FOXP2: variants seen among roughly 807,000 people sequenced by gnomAD.
FOXP2 encodes forkhead box protein P2.
Under a neutral mutation model 115.8 loss-of-function variants are expected in FOXP2, and 12 were observed. The ratio of observed to expected loss-of-function variants is 0.10; its 90% confidence interval spans 0.07 to 0.17. The LOEUF (loss-of-function observed/expected upper bound fraction) is 0.17. FOXP2 is among the 10% of genes least tolerant of loss of function. FOXP2 has a pLI of 1.00. For synonymous variants in FOXP2, 328 were observed against 297.7 expected, an observed-to-expected ratio of 1.10 and a Z score of -1.05; for missense variants, 629 against 843.5, an observed-to-expected ratio of 0.75 and a Z score of 3.15.
intron 1 of FOXP2, among the ~76,000 whole-genome samples, chr7:114,198,673 G>A (rs56945052): frequency 6.6e-6 from 1 of 152,168 alleles, no homozygotes; most frequent in African/African-American, 2.4e-5. Flanking sequence ...AACAGGTCAC[G>A]AACCAGTACC....
chr7:114,554,054 C>A (rs1328650638), intron 3 of FOXP2, among the ~76,000 whole-genome samples: 1 of 151,978 alleles, frequency 6.6e-6, no homozygotes, highest in Non-Finnish European at 1.5e-5. Flanking sequence ...ATGTCAATAA[C>A]AGAGGATACC....
At chr7:114,511,205 G>C (rs1174931034) in intron 2 of FOXP2, among the ~76,000 whole-genome samples, 1 of 152,054 alleles carries the variant, frequency 6.6e-6, no homozygotes, top group East Asian at 1.9e-4. Context: ...GGGCCTGTCA[G>C]GGGGTGGGGG....
At chr7:114,659,514 A>G (rs1192854137) in intron 12 of FOXP2, 58 bp from the exon 13 acceptor site, 4 of 1,581,438 alleles carry the variant, frequency 2.5e-6, no homozygotes, top group Non-Finnish European at 3.5e-6. Flanking sequence ...AGAAAGTGTC[A>G]TCTAGTCTAG....
At chr7:114,504,694 A>G (rs1378030724) in intron 2 of FOXP2, among the ~76,000 whole-genome samples, 1 of 151,722 alleles carries the variant, frequency 6.6e-6, no homozygotes, top group African/African-American at 2.4e-5. Flanking sequence ...CATCTGGATG[A>G]AAACTAAGCA....
chr7:114,482,238 C>G (rs948493640), intron 2 of FOXP2, among the ~76,000 whole-genome samples: 1 of 151,320 alleles, frequency 6.6e-6, no homozygotes, highest in South Asian at 2.1e-4. Flanking sequence ...GGCAGTTAGC[C>G]CAGAAGTCCT....
At chr7:114,451,751 T>C (rs1186685395) in intron 2 of FOXP2, among the ~76,000 whole-genome samples, 1 of 151,996 alleles carries the variant, frequency 6.6e-6, no homozygotes, top group Non-Finnish European at 1.5e-5. Context: ...TTGTAATAAG[T>C]GCTCTACAGA....
At chr7:114,683,074 A>T (rs938326568) in intron 16 of FOXP2, among the ~76,000 whole-genome samples, 1 of 152,164 alleles carries the variant, frequency 6.6e-6, no homozygotes, top group African/African-American at 2.4e-5. Context: ...CATTGTAGCC[A>T]TTGGGGAAAA....
intron 1 of FOXP2, among the ~76,000 whole-genome samples, chr7:114,207,213 G>A (rs1417323925): frequency 6.6e-6 from 1 of 152,158 alleles, no homozygotes. Flanking sequence ...TTCGGTAGTT[G>A]ATGGACATTT....
intron 3 of FOXP2, among the ~76,000 whole-genome samples, chr7:114,627,331 C>T (rs566730570): frequency 1.3e-5 from 2 of 152,002 alleles, no homozygotes; most frequent in South Asian, 4.1e-4. Context: ...TGTTCTAAAA[C>T]AGTATTTATA....
intron 1 of FOXP2, among the ~76,000 whole-genome samples, chr7:114,133,221 A>G (rs1791940140): frequency 6.6e-6 from 1 of 152,176 alleles, no homozygotes; most frequent in Admixed American, 6.5e-5. Flanking sequence ...TGAACTGAAA[A>G]CTGGCAGGAT....
In FOXP2 at chr7:114,181,455, C is replaced by T. The variant is rs537444343; in HGVS notation, c.-102+18367C>T. 2.8e-3 allele frequency among the ~76,000 whole-genome samples: 430 copies of T among 152,002 alleles called. 1 individual carries two copies. The highest frequency in any genetic ancestry group is 6.4e-3 in the Admixed American group (98 of 15,226). On this transcript the variant is annotated intron_variant, in intron 1 of 17. Transcript: ENST00000634411. ...TGTTTTCTTTGTTTGGAAAGTACCC[C>T]TTCCTTATATGGTAAATGAACCTCT...
Position 114,675,996 on chromosome 7 carries a change from G to A in FOXP2, c.2003+11560G>A, listed in dbSNP as rs1054707022. ...GCAGTCTCAGCTCACTGCAAGCTCCGCCTCCCCAGTTCAGGCGATTCTCTT... is the reference window on the plus strand; with the variant it reads ...GCAGTCTCAGCTCACTGCAAGCTCCACCTCCCCAGTTCAGGCGATTCTCTT... On this transcript the variant is annotated intron_variant, in intron 16 of 16. Coordinates refer to ENST00000350908, the MANE Select transcript of FOXP2 (RefSeq NM_014491.4). 1.2e-4 allele frequency among the ~76,000 whole-genome samples: 18 copies of A among 150,812 alleles called. 1 individual carries two copies. Among genetic ancestry groups the A allele is most frequent in the South Asian group, 4.2e-4 (2 of 4,796 alleles).
chr7:114,117,484 A>G (rs374032423), intron 1 of FOXP2, among the ~76,000 whole-genome samples: 4 of 152,172 alleles, frequency 2.6e-5, no homozygotes, highest in East Asian at 1.9e-4. Context: ...TGCCTCTCAA[A>G]GTGCTGGGAT....
chr7:114,159,638 T>G (rs763681338), upstream of FOXP2, among the ~76,000 whole-genome samples: 1 of 152,114 alleles, frequency 6.6e-6, no homozygotes, highest in Non-Finnish European at 1.5e-5. Context: ...TATTAATAAT[T>G]GCAATAGGTA....
At chr7:114,433,779 T>G (rs1794217817) in intron 2 of FOXP2, among the ~76,000 whole-genome samples, 1 of 151,918 alleles carries the variant, frequency 6.6e-6, no homozygotes, top group South Asian at 2.1e-4. Flanking sequence ...AGCAAATAGA[T>G]TTCATAGTAT....
intron 2 of FOXP2, among the ~76,000 whole-genome samples, chr7:114,391,100 T>A (rs922767929): frequency 2.0e-5 from 3 of 151,746 alleles, no homozygotes; most frequent in Non-Finnish European, 2.9e-5. Context: ...GGCAGGAGAA[T>A]CGCTTGAACC....
chr7:114,145,540 G>A (rs1407375920), intron 1 of FOXP2, among the ~76,000 whole-genome samples: 5 of 143,060 alleles, frequency 3.5e-5, no homozygotes, highest in African/African-American at 1.4e-4. Flanking sequence ...CCAAGCTGGA[G>A]TGCAGGGTGT....
At chr7:114,632,694 C>CT (rs1429201764) in intron 6 of FOXP2, among the ~76,000 whole-genome samples, 1 of 152,012 alleles carries the variant, frequency 6.6e-6, no homozygotes, top group Non-Finnish European at 1.5e-5. Context: ...GTCTCTTTGG[C>CT]TTTTTTCCCC....
chr7:114,434,884 A>G (rs1020305280), intron 2 of FOXP2, among the ~76,000 whole-genome samples: 2 of 152,158 alleles, frequency 1.3e-5, no homozygotes, highest in Admixed American at 1.3e-4. Flanking sequence ...ATTCTTTCCA[A>G]TTAACATATA....
Sources: gnomAD v4.1 joint callset for allele counts (sites outside exome capture counted in the v4.1 genomes callset) on GRCh38, gnomAD v4.1.1 for gene constraint, MANE v1.5 for transcripts, NCBI Gene and HGNC (gene_info 2026-07-23, HGNC 2026-07-21) for gene names.